The following PIEZO1 variants were observed in gnomAD, a reference collection of about 807,000 sequenced individuals.
PIEZO1 encodes the protein piezo-type mechanosensitive ion channel component 1.
Under a neutral mutation model 297.2 loss-of-function variants are expected in PIEZO1, and 296 were observed. That is an observed-to-expected ratio of 1.00 (90% CI 0.91 to 1.10). PIEZO1 has a LOEUF of 1.10. PIEZO1 is among the 50% of genes least tolerant of loss of function. The pLI is 0.00. For missense variants in PIEZO1, 5,018 were observed against 3,455.5 expected (o/e 1.45, Z -11.34); for synonymous variants, 2,427 against 1,507.5 (o/e 1.61, Z -14.13).
intron 21 of PIEZO1, 59 bp downstream of exon 21, chr16:88,732,276 C>A (rs556481276): frequency 5.6e-6 from 8 of 1,430,090 alleles, no homozygotes; most frequent in Non-Finnish European, 6.7e-6. Flanking sequence ...ACGGTGCAGC[C>A]GTCCCTCCCT....
intron 22 of PIEZO1, among the ~76,000 whole-genome samples, chr16:88,730,134 C>T (rs988228727): frequency 5.3e-5 from 8 of 152,236 alleles, no homozygotes; most frequent in African/African-American, 1.9e-4. Flanking sequence ...AGCTGGAGGG[C>T]CCAGAGGCTG....
At chr16:88,752,241 G>A (rs903497019) in intron 1 of PIEZO1, among the ~76,000 whole-genome samples, 1 of 152,224 alleles carries the variant, frequency 6.6e-6, no homozygotes. Context: ...CCAGCACTTT[G>A]GGAGGCCAAG....
chr16:88,745,148 C>T lies in PIEZO1; in HGVS notation c.161-2726G>A, dbSNP rs1045178461. The stretch of plus-strand genomic sequence containing the variant: ...GCTGAGCCGGGGATCAGGCCACCTC[C>T]GCAGGGACCCACTGCTGCCTCTTCC... On this transcript the variant is annotated intron_variant, in intron 2 of 50. Coordinates refer to ENST00000301015, the MANE Select transcript of PIEZO1 (RefSeq NM_001142864.4). 15 of 151,944 alleles carry T rather than the reference C, an allele frequency of 9.9e-5. No homozygotes were observed. In the South Asian group the frequency reaches 1.9e-3, roughly 19 times the overall value. 9.4% of individuals were successfully genotyped at this position (151,944 alleles called of 1,614,324 possible).
rs544089461 is a variant in PIEZO1, at chr16:88,734,057, G to T, written c.2181-3C>A. On this transcript the variant is annotated splice_polypyrimidine_tract_variant and splice_region_variant and intron_variant, in intron 16 of 50. Transcript: ENST00000301015. ...GGGTCCCACTCACTGCATCCTGCCT[G>T]GGAGAGGGTCCGAAAATGTCATCTC... 6.6e-7 allele frequency: 1 copy of T among 1,504,512 alleles called. No individual in the cohort carries two copies. The highest frequency in any genetic ancestry group is 1.3e-5 in the South Asian group (1 of 79,632). 93.2% of individuals were successfully genotyped at this position (1,504,512 alleles called of 1,614,324 possible).
At chr16:88,763,652 T>C (rs567598794) in intron 1 of PIEZO1, among the ~76,000 whole-genome samples, 28 of 152,242 alleles carry the variant, frequency 1.8e-4, no homozygotes, top group African/African-American at 6.5e-4. Flanking sequence ...TAACAGCCGG[T>C]AGGTGCTCCC....
At position 88,722,709 on chromosome 16, in the gene PIEZO1, G is replaced by C. The variant is rs1253520794; in HGVS notation, c.4669-20C>G. ...GCCGCCCTGCAGGGCACAGCAGGGGGCTCAGGGCTGCGTCCAGCTCTTGTC... is the reference window on the plus strand; with the variant it reads ...GCCGCCCTGCAGGGCACAGCAGGGGCCTCAGGGCTGCGTCCAGCTCTTGTC... On this transcript the variant is annotated intron_variant, in intron 34 of 50. Coordinates refer to ENST00000301015, the MANE Select transcript of PIEZO1 (RefSeq NM_001142864.4). The C allele has an allele frequency of 2.0e-6, 3 of 1,533,126 alleles. No individual in the cohort carries two copies. Among genetic ancestry groups the C allele is most frequent in the East Asian group, 4.9e-5 (2 of 40,822 alleles). The allele number at this position is 1,533,126 out of a possible 1,614,324, so 95.0% of individuals were successfully genotyped here.
At position 88,721,562 on chromosome 16, in the gene PIEZO1, A is replaced by G; in HGVS notation, c.5379T>C (p.Leu1793=). 1 of 1,549,582 alleles carries G rather than the reference A, an allele frequency of 6.5e-7. No homozygotes were observed. Among genetic ancestry groups the G allele is most frequent in the East Asian group, 2.4e-5 (1 of 40,864 alleles). Residue 1793 remains leucine, a synonymous_variant, in exon 38 of 51, where the codon CTT becomes CTC. Transcript: ENST00000301015. ...IKYDLVQLMA[L]FFHRSQLLCY... ...CCAGCAGCTGGGAGCGGTGGAAGAA[A>G]AGGGCCATGAGCTGCACCAGGTCGT...
intron 3 of PIEZO1, 28 bp downstream of exon 3, chr16:88,742,271 AT>A (rs1567678948): frequency 6.6e-7 from 1 of 1,522,960 alleles, no homozygotes; most frequent in East Asian, 2.5e-5. Context: ...CAGGATGGCT[AT>A]CCCTACCCCG....
chr16:88,725,283 G>A (rs1367614332), intron 29 of PIEZO1, 133 bp downstream of exon 29: 2 of 700,140 alleles, frequency 2.9e-6, no homozygotes, highest in South Asian at 2.0e-5. Flanking sequence ...GCCAGACAGA[G>A]GGTGATCATG....
Position 88,738,744 on chromosome 16 carries a change from G to T in PIEZO1, c.466-8C>A. ...ATCCCTCTCATCATCATCCTGCCAA[G>T]GTCACGGACAGGGGCAAGGTCAGGT... On this transcript the variant is annotated splice_region_variant and splice_polypyrimidine_tract_variant and intron_variant, in intron 5 of 50. Coordinates refer to ENST00000301015, the MANE Select transcript of PIEZO1 (RefSeq NM_001142864.4). The T allele has an allele frequency of 5.9e-6, 9 of 1,525,290 alleles. No homozygotes were observed. The highest frequency in any genetic ancestry group is 2.0e-5 in the Admixed American group (1 of 50,744). 94.5% of individuals were successfully genotyped at this position (1,525,290 alleles called of 1,614,324 possible). A position where few individuals can be genotyped will look rare whatever the true frequency, so the allele number is the denominator to read the frequency against.
Position 88,769,296 on chromosome 16 carries a change from C to A in PIEZO1, c.64+15605G>T, listed in dbSNP as rs146952731. 2.8e-3 allele frequency among the ~76,000 whole-genome samples: 423 copies of A among 152,318 alleles called. 1 individual carries two copies. The highest frequency in any genetic ancestry group is 9.5e-3 in the African/African-American group (395 of 41,582). On this transcript the variant is annotated intron_variant, in intron 1 of 50. Transcript: ENST00000301015. ...CAAACTCCTGGCCTCAAGTGATCCTCCCACCATGGCCTCCCAAAGTGCTGG... is the reference window on the plus strand; with the variant it reads ...CAAACTCCTGGCCTCAAGTGATCCTACCACCATGGCCTCCCAAAGTGCTGG...
chr16:88,754,906 T>G (rs1370314006), intron 1 of PIEZO1, among the ~76,000 whole-genome samples: 2 of 152,226 alleles, frequency 1.3e-5, no homozygotes, highest in Admixed American at 1.3e-4. Context: ...CGCCCCGGCG[T>G]GCCGTCCCGC....
rs369774938 is a variant in PIEZO1 at position 88,735,796 on chromosome 16, TCACA to T, written c.1557+348_1557+351del. On this transcript the variant is annotated intron_variant, in intron 12 of 50. Coordinates refer to ENST00000301015, the MANE Select transcript of PIEZO1 (RefSeq NM_001142864.4). The stretch of plus-strand genomic sequence containing the variant: ...TGGTGCCAATGGGCAGAGCCCACGC[TCACA>T]CACACTGTCAGGGGCGCAGGGGTGG... Among the ~76,000 whole-genome samples, 138 of 152,282 alleles carry T rather than the reference TCACA, an allele frequency of 9.1e-4. 4 individuals are homozygous for T. In the East Asian group the frequency reaches 0.013, roughly 14 times the overall value.
chr16:88,747,300 G>C (rs1906113866), intron 2 of PIEZO1, among the ~76,000 whole-genome samples: 1 of 151,474 alleles, frequency 6.6e-6, no homozygotes. Context: ...CAGATCACCT[G>C]AGGTCAGGAG....
intron 1 of PIEZO1, among the ~76,000 whole-genome samples, chr16:88,783,217 C>T (rs1199149205): frequency 6.6e-6 from 1 of 152,220 alleles, no homozygotes; most frequent in African/African-American, 2.4e-5. Flanking sequence ...AGGCAGAACC[C>T]AGGCCCCCTG....
In PIEZO1 at chr16:88,737,750, G is replaced by A; in HGVS notation, c.1085C>T (p.Pro362Leu). ...ELELAELDQW[P>L]QERESDQHVV... ...CACCTGGTCAGACTCCCGTTCCTGGGGCCACTGGTCCAGCTCTGCTAGCTC... is the reference window on the plus strand; with the variant it reads ...CACCTGGTCAGACTCCCGTTCCTGGAGCCACTGGTCCAGCTCTGCTAGCTC... Residue 362 changes from proline to leucine, a missense_variant, in exon 9 of 51, where the codon CCC becomes CTC. Pro to Leu is a moderately conservative substitution (Grantham distance 98). Transcript: ENST00000301015. 3 of 1,535,744 alleles carry A rather than the reference G, an allele frequency of 2.0e-6. No individual in the cohort carries two copies. The highest frequency in any genetic ancestry group is 2.4e-5 in the South Asian group (2 of 84,060).
intron 1 of PIEZO1, among the ~76,000 whole-genome samples, chr16:88,781,564 T>C (rs75053197): frequency 0.035 from 5,287 of 152,334 alleles, 156 homozygotes; most frequent in African/African-American, 0.079. Flanking sequence ...AGGGAGCTGA[T>C]GCTCAGAAGG....
chr16:88,734,688 A>G lies in PIEZO1; in HGVS notation c.1959T>C (p.Pro653=), dbSNP rs1165572137. 5 of 1,550,340 alleles carry G rather than the reference A, an allele frequency of 3.2e-6. No homozygotes were observed. Among genetic ancestry groups the G allele is most frequent in the Non-Finnish European group, 3.5e-6 (4 of 1,146,936 alleles). ...AGCCAGTGAGGTTGCGCCAGTAGGCAGGGAAGTCCTGGAACTGGAAGGTGT... is the reference window on the plus strand; with the variant it reads ...AGCCAGTGAGGTTGCGCCAGTAGGCGGGGAAGTCCTGGAACTGGAAGGTGT... ...AVYTFQFQDF[P]AYWRNLTGFT... is the part of the protein sequence containing the mutation. The change falls in exon 15 of 51, where the codon CCT becomes CCC. Residue 653 remains proline, a synonymous_variant. Coordinates refer to ENST00000301015, the MANE Select transcript of PIEZO1 (RefSeq NM_001142864.4).
At chr16:88,730,454 C>T (rs996351339) in intron 22 of PIEZO1, among the ~76,000 whole-genome samples, 6 of 151,934 alleles carry the variant, frequency 3.9e-5, no homozygotes, top group Non-Finnish European at 7.4e-5. Context: ...AAAAATTAGC[C>T]GGGCCTGGTG....
Sources: allele counts gnomAD v4.1 joint callset (sites outside exome capture counted in the v4.1 genomes callset), GRCh38; gene constraint gnomAD v4.1.1; transcripts MANE v1.5; gene names NCBI Gene and HGNC (gene_info 2026-07-23, HGNC 2026-07-21).